Variants in CDHR3 observed in about 807,000 individuals in gnomAD.
The protein encoded by CDHR3 is cadherin related family member 3.
Under a neutral mutation model 86.6 loss-of-function variants are expected in CDHR3, and 79 were observed. That is an observed-to-expected ratio of 0.91 (90% CI 0.76 to 1.10). The LOEUF is 1.10. CDHR3 is among the 50% of genes least tolerant of loss of function. CDHR3 has a pLI of 0.00. For missense variants in CDHR3, 1,081 were observed against 1,077.6 expected, an observed-to-expected ratio of 1.00 and a Z score of -0.04; for synonymous variants, 421 against 402.4, an observed-to-expected ratio of 1.05 and a Z score of -0.55.
chr7:106,004,474 A>G, intron 7 of CDHR3, 24 bp from the exon 8 acceptor site: 2 of 1,594,886 alleles, frequency 1.3e-6, no homozygotes, highest in Non-Finnish European at 1.7e-6. Context: ...TCAAAGGGTC[A>G]CGTTCTAACC....
intron 7 of CDHR3, among the ~76,000 whole-genome samples, 160 bp downstream of exon 7, chr7:106,001,770 G>C (rs759230898): frequency 1.3e-5 from 2 of 152,124 alleles, no homozygotes; most frequent in Non-Finnish European, 2.9e-5. Context: ...AAATGGCTTA[G>C]TATTTGCATA....
At chr7:105,964,473 A>G (rs1826553749) in intron 1 of CDHR3, among the ~76,000 whole-genome samples, 1 of 152,002 alleles carries the variant, frequency 6.6e-6, no homozygotes, top group Non-Finnish European at 1.5e-5. Flanking sequence ...TCTAACTGCC[A>G]GGCCTGGACA....
intron 7 of CDHR3, among the ~76,000 whole-genome samples, chr7:106,004,248 T>C (rs2115801662): frequency 6.6e-6 from 1 of 152,336 alleles, no homozygotes; most frequent in East Asian, 1.9e-4. Context: ...CAGTCCACTC[T>C]GGGCAAGGGC....
intron 10 of CDHR3, 175 bp from the exon 11 acceptor site, chr7:106,015,752 G>A (rs1835515887): frequency 3.0e-6 from 2 of 661,268 alleles, no homozygotes; most frequent in East Asian, 2.8e-5. Flanking sequence ...GTGTGCTCAT[G>A]CGCTTATCAA....
chr7:106,022,301 C>G lies in CDHR3; in HGVS notation c.1929C>G (p.Ile643Met). 1 of 1,614,032 alleles carries G rather than the reference C, an allele frequency of 6.2e-7. No homozygotes were observed. The highest frequency in any genetic ancestry group is 8.5e-7 in the Non-Finnish European group (1 of 1,179,890). ...RFDYAGGFDK[I>M]WDYKLLVYVT... ...ACTATGCTGGTGGGTTTGATAAGAT[C>G]TGGGACTACAAGCTACTTGTCTACG... Residue 643 changes from isoleucine to methionine, a missense_variant, in exon 14 of 19, where the codon ATC (isoleucine) becomes ATG (methionine). Coordinates refer to ENST00000317716, the MANE Select transcript of CDHR3 (RefSeq NM_152750.5).
In CDHR3 at chr7:106,032,594, C is replaced by T. The variant is rs1326367624; in HGVS notation, c.2555C>T (p.Ala852Val). The T allele has an allele frequency of 1.2e-6, 2 of 1,613,926 alleles. No individual in the cohort carries two copies. The highest frequency in any genetic ancestry group is 1.7e-5 in the Admixed American group (1 of 60,014). The stretch of plus-strand genomic sequence containing the variant: ...AGTGGCAAAGCGTGGGCTGAGGATG[C>T]TGGTCTGGGTTCCAGAAATGAGGGT... Reference protein sequence around the residue: ...ELSGKAWAEDAGLGSRNEGGK... With the variant: ...ELSGKAWAEDVGLGSRNEGGK... Residue 852 changes from alanine (A) to valine (V), a missense_variant, in exon 19 of 19, where the codon GCT becomes GTT. Ala to Val is a moderately conservative substitution (Grantham distance 64). Transcript: ENST00000317716.
Position 106,001,553 on chromosome 7 carries a change from C to G in CDHR3, c.805C>G (p.Pro269Ala). 1 of 1,613,940 alleles carries G rather than the reference C, an allele frequency of 6.2e-7. No homozygotes were observed. The highest frequency in any genetic ancestry group is 1.3e-5 in the African/African-American group (1 of 75,014). The change falls in exon 7 of 19, where the codon CCC (proline) becomes GCC (alanine). Residue 269 changes from proline to alanine, a missense_variant. Transcript: ENST00000317716. ...TAEDPDDEGFPSHLLYSITTV... is the reference protein window; with the variant it reads ...TAEDPDDEGFASHLLYSITTV... The stretch of plus-strand genomic sequence containing the variant: ...GGAGGATCCTGATGATGAAGGTTTT[C>G]CCAGCCACCTCCTCTACAGCATTAC...
intron 8 of CDHR3, among the ~76,000 whole-genome samples, chr7:106,005,907 C>T (rs572478370): frequency 8.5e-5 from 13 of 152,176 alleles, no homozygotes; most frequent in East Asian, 7.7e-4. Context: ...TGCTCCAAGA[C>T]GCTGACCTGG....
At chr7:105,971,447 C>G (rs1014992615) in intron 1 of CDHR3, among the ~76,000 whole-genome samples, 5 of 152,162 alleles carry the variant, frequency 3.3e-5, no homozygotes, top group Non-Finnish European at 5.9e-5. Context: ...AAATATCTCT[C>G]ACTGCCATTC....
intron 1 of CDHR3, 54 bp from the exon 2 acceptor site, chr7:105,974,783 GTCCCTGT>G: frequency 7.2e-7 from 1 of 1,382,606 alleles, no homozygotes; most frequent in Non-Finnish European, 1.0e-6. Flanking sequence ...AAGCTGTTAA[GTCCCTGT>G]TCCCAGCAAA....
At chr7:105,991,275 C>T (rs1385324682) in intron 4 of CDHR3, among the ~76,000 whole-genome samples, 1 of 152,124 alleles carries the variant, frequency 6.6e-6, no homozygotes, top group African/African-American at 2.4e-5. Context: ...CAAATGGCCA[C>T]ATGACACAAT....
chr7:106,001,655 C>A (rs766830263), intron 7 of CDHR3, 45 bp downstream of exon 7: 3 of 1,607,504 alleles, frequency 1.9e-6, no homozygotes, highest in Non-Finnish European at 2.6e-6. Context: ...CTAATTCAGC[C>A]ATGTGGATTG....
At position 105,984,210 on chromosome 7, in the gene CDHR3, T is replaced by C; in HGVS notation, c.434T>C (p.Val145Ala). ...NLAEGLHLYI[V>A]ERANPGFIYQ... Reference sequence around the variant, plus strand: ...GGTCTAGGTCTACACCTCTACATAGTAGAAAGAGCAAACCCTGGATTCATT... The same window carrying C: ...GGTCTAGGTCTACACCTCTACATAGCAGAAAGAGCAAACCCTGGATTCATT... The change falls in exon 4 of 19, where the codon GTA (valine) becomes GCA (alanine). Residue 145 changes from valine to alanine, a missense_variant. Physicochemically the swap from Val to Ala is moderately conservative, Grantham distance 64 (BLOSUM62 0). Coordinates refer to ENST00000317716, the MANE Select transcript of CDHR3 (RefSeq NM_152750.5). The C allele has an allele frequency of 1.9e-6, 3 of 1,608,796 alleles. No individual in the cohort carries two copies. The highest frequency in any genetic ancestry group is 2.6e-6 in the Non-Finnish European group (3 of 1,176,470).
rs552650461 is a variant in CDHR3, at chr7:106,031,021, G to C, written c.2353+181G>C. ...CGTGAGATCAGCTGTGAACCCAGCT[G>C]GCTAGCAGATGCTCAAGTACAGGGT... is the stretch of plus-strand genomic sequence containing the variant. On this transcript the variant is annotated intron_variant, in intron 18 of 18. Transcript: ENST00000317716. Among the ~76,000 whole-genome samples the C allele has an allele frequency of 2.0e-5, 3 of 152,328 alleles. No individual in the cohort carries two copies. The South Asian group carries it at 6.2e-4, about 32-fold the overall frequency.
rs764191938 is a variant in CDHR3 at position 105,974,901 on chromosome 7, C to A, written c.104C>A (p.Ser35Tyr). The A allele has an allele frequency of 1.2e-5, 20 of 1,613,908 alleles. No individual in the cohort carries two copies. The highest frequency in any genetic ancestry group is 1.6e-5 in the Non-Finnish European group (19 of 1,179,820). ...LPATGNVAEN[S>Y]PPGTSVHKFS... is the part of the protein sequence containing the mutation. ...GCTACAGGCAATGTGGCAGAGAATT[C>A]TCCACCTGGGACTTCAGTGCACAAG... The change falls in exon 2 of 19, where the codon TCT becomes TAT. Residue 35 changes from serine to tyrosine, a missense_variant. Physicochemically the swap from Ser to Tyr is moderately radical, Grantham distance 144. Transcript: ENST00000317716.
Position 106,030,939 on chromosome 7 carries a change from G to T in CDHR3, c.2353+99G>T. The T allele has an allele frequency of 8.2e-7, 1 of 1,215,782 alleles. No homozygotes were observed. Among genetic ancestry groups the T allele is most frequent in the East Asian group, 2.5e-5 (1 of 39,514 alleles). The allele number at this position is 1,215,782 out of a possible 1,614,324, so 75.3% of individuals were successfully genotyped here. On this transcript the variant is annotated intron_variant, in intron 18 of 18. Coordinates refer to ENST00000317716, the MANE Select transcript of CDHR3 (RefSeq NM_152750.5). This position sits in a 1 kb window ranked among gnomAD's most constrained non-coding sequence, Gnocchi z 4.8. ...CAATTTCCTGCTTTTAGCTCATTTT[G>T]TCAATCCGTTTGGCTATGTTGCCTA... is the stretch of plus-strand genomic sequence containing the variant.
intron 17 of CDHR3, 61 bp downstream of exon 17, chr7:106,028,643 C>G: frequency 6.3e-7 from 1 of 1,590,514 alleles, no homozygotes; most frequent in South Asian, 1.1e-5. Flanking sequence ...CTCCCGTCTC[C>G]CCCGAAGGCA....
chr7:105,967,288 T>C (rs1827120532), intron 1 of CDHR3, among the ~76,000 whole-genome samples: 2 of 152,200 alleles, frequency 1.3e-5, no homozygotes, highest in South Asian at 4.1e-4. Context: ...CATGAACTCA[T>C]CCTTTTTTAT....
rs1246925728 is a variant in CDHR3, at chr7:106,024,386, G to A, written c.2082G>A (p.Arg694=). Residue 694 remains arginine (R), a synonymous_variant, in exon 15 of 19, where the codon AGG becomes AGA. Coordinates refer to ENST00000317716, the MANE Select transcript of CDHR3 (RefSeq NM_152750.5). Reference sequence around the variant, plus strand: ...CCTGCTCTCTGTTGTTCAAGCCCAGGGTCACCTATCAGGTCCTGAGGAAAA... The same window carrying A: ...CCTGCTCTCTGTTGTTCAAGCCCAGAGTCACCTATCAGGTCCTGAGGAAAA... The part of the protein sequence containing the change: ...TTIITTTPRP[R]VTYQVLRKNV... The A allele has an allele frequency of 6.2e-7, 1 of 1,613,756 alleles. No individual in the cohort carries two copies. Among genetic ancestry groups the A allele is most frequent in the Non-Finnish European group, 8.5e-7 (1 of 1,179,804 alleles).
Sources: allele counts gnomAD v4.1 joint callset (sites outside exome capture counted in the v4.1 genomes callset), GRCh38; gene constraint gnomAD v4.1.1; non-coding constraint Gnocchi (gnomAD v3.1); transcripts MANE v1.5; gene names NCBI Gene and HGNC (gene_info 2026-07-23, HGNC 2026-07-21).